Variants in GATA3 observed in about 807,000 individuals in gnomAD.
GATA3 encodes trans-acting T-cell-specific transcription factor GATA-3.
GATA3 carries 6 observed loss-of-function variants against 36.0 expected under a neutral mutation model. That is an observed-to-expected ratio of 0.17 (90% CI 0.09 to 0.33). The LOEUF is 0.33. GATA3 is among the 10% of genes least tolerant of loss of function. The pLI is 1.00. For synonymous variants in GATA3, 326 were observed against 273.0 expected, an observed-to-expected ratio of 1.19 and a Z score of -1.92; for missense variants, 514 against 610.1, an observed-to-expected ratio of 0.84 and a Z score of 1.66.
intron 5 of GATA3, among the ~76,000 whole-genome samples, chr10:8,072,640 AGTAGG>A (rs1457434208): frequency 6.6e-6 from 1 of 152,160 alleles, no homozygotes; most frequent in East Asian, 1.9e-4. Context: ...TGATCTTGAG[AGTAGG>A]GTCTGGTCTC....
upstream of GATA3, chr10:8,053,286 C>A (rs1173974700): frequency 6.6e-6 from 1 of 152,164 alleles, no homozygotes; most frequent in Non-Finnish European, 1.5e-5. The surrounding 1 kb of genome is among the most constrained non-coding windows in gnomAD (Gnocchi z 5.1). Flanking sequence ...CAAATAAAAC[C>A]CCAAATTAAG....
At chr10:8,066,446 CTTTCT>C (rs1369521687) in intron 4 of GATA3, among the ~76,000 whole-genome samples, 2 of 84,452 alleles carry the variant, frequency 2.4e-5, no homozygotes, top group African/African-American at 6.8e-5. Flanking sequence ...TTCTTTCTTT[CTTTCT>C]TTTTTTTTTT....
At position 8,055,998 on chromosome 10, in the gene GATA3, C is replaced by T; in HGVS notation, c.241+102C>T. 7.0e-7 allele frequency: 1 copy of T among 1,434,204 alleles called. No individual in the cohort carries two copies. Among genetic ancestry groups the T allele is most frequent in the South Asian group, 1.2e-5 (1 of 81,146 alleles). The allele number at this position is 1,434,204 out of a possible 1,614,324, so 88.8% of individuals were successfully genotyped here. On this transcript the variant is annotated intron_variant, in intron 2 of 5. Transcript: ENST00000379328. The surrounding 1 kb of genome is among the most constrained non-coding windows in gnomAD (Gnocchi z 5.4). ...AGGGCGGGGAGAGGTCAAGCGAAAGCCCCCATCTGCCGTTCCTGGTTCATT... is the reference window on the plus strand; with the variant it reads ...AGGGCGGGGAGAGGTCAAGCGAAAGTCCCCATCTGCCGTTCCTGGTTCATT...
intron 4 of GATA3, among the ~76,000 whole-genome samples, chr10:8,067,423 G>A (rs1832859617): frequency 6.6e-6 from 1 of 152,164 alleles, no homozygotes; most frequent in East Asian, 1.9e-4. Context: ...AAGAAAAAGG[G>A]TCACTCAGGT....
chr10:8,073,144 CAAAAAAAAAA>C (rs11335485), intron 5 of GATA3, among the ~76,000 whole-genome samples: 3 of 69,978 alleles, frequency 4.3e-5, no homozygotes, highest in African/African-American at 5.9e-5. Flanking sequence ...GACTTCGTCT[CAAAAAAAAAA>C]AAAAAAAAAA....
intron 4 of GATA3, among the ~76,000 whole-genome samples, chr10:8,064,748 T>C (rs1420553484): frequency 2.0e-5 from 3 of 152,222 alleles, no homozygotes; most frequent in Non-Finnish European, 2.9e-5. Context: ...ATTTGAGAAC[T>C]TTCCACAGGC....
At chr10:8,049,321 T>G (rs1832432634), upstream of GATA3, among the ~76,000 whole-genome samples, 1 of 152,204 alleles carries the variant, frequency 6.6e-6, no homozygotes, top group Admixed American at 6.5e-5. Context: ...CCTCTTTCTC[T>G]GCTTTCCCCC....
At chr10:8,063,458 T>C (rs1051920173) in intron 3 of GATA3, among the ~76,000 whole-genome samples, 1 of 152,234 alleles carries the variant, frequency 6.6e-6, no homozygotes, top group Non-Finnish European at 1.5e-5. Flanking sequence ...GATCAATCTA[T>C]GCATCTATTT....
rs1832990893 is a variant in GATA3, at chr10:8,074,903, T to C, written c.*880T>C. On this transcript the variant is annotated 3_prime_UTR_variant, in exon 6 of 6. Transcript: ENST00000379328. ...ACATTCAGTTGGCCTAAGGTGGTTG[T>C]GCTCGGAGGGTTTCTTGTTTCTTTT... 8.6e-6 allele frequency: 2 copies of C among 233,794 alleles called. No individual in the cohort carries two copies. The highest frequency in any genetic ancestry group is 1.7e-5 in the Non-Finnish European group (2 of 118,078). 14.5% of individuals were successfully genotyped at this position (233,794 alleles called of 1,614,324 possible).
intron 3 of GATA3, among the ~76,000 whole-genome samples, chr10:8,061,091 T>TCTC (rs1475519556): frequency 9.5e-5 from 9 of 95,008 alleles, no homozygotes; most frequent in African/African-American, 3.0e-4. Context: ...CTCTCTCTCT[T>TCTC]TTTTACCCCT....
chr10:8,051,978 C>A (rs1268849896), upstream of GATA3, among the ~76,000 whole-genome samples: 1 of 152,192 alleles, frequency 6.6e-6, no homozygotes, highest in African/African-American at 2.4e-5. Flanking sequence ...CCATCCTTTT[C>A]CCTTCCCCGC....
chr10:8,066,354 T>C (rs1832841935), intron 4 of GATA3, among the ~76,000 whole-genome samples: 1 of 152,146 alleles, frequency 6.6e-6, no homozygotes, highest in Admixed American at 6.5e-5. Flanking sequence ...CATCTGTCTT[T>C]GGTGGTTTGA....
Position 8,074,209 on chromosome 10 carries a change from A to C in GATA3, c.*186A>C. 1 of 643,234 alleles carries C rather than the reference A, an allele frequency of 1.6e-6. No homozygotes were observed. Among genetic ancestry groups the C allele is most frequent in the South Asian group, 2.0e-5 (1 of 50,154 alleles). 39.8% of individuals were successfully genotyped at this position (643,234 alleles called of 1,614,324 possible). On this transcript the variant is annotated 3_prime_UTR_variant, in exon 6 of 6. Coordinates refer to ENST00000379328, the MANE Select transcript of GATA3 (RefSeq NM_001002295.2). Reference sequence around the variant, plus strand: ...GTGGTGTCTGTGTTCCAACCACTGAATCTGGACCCCATCTGTGAATAAGCC... The same window carrying C: ...GTGGTGTCTGTGTTCCAACCACTGACTCTGGACCCCATCTGTGAATAAGCC...
At chr10:8,057,995 A>C (rs973707192) in intron 2 of GATA3, among the ~76,000 whole-genome samples, 1 of 152,138 alleles carries the variant, frequency 6.6e-6, no homozygotes, top group African/African-American at 2.4e-5. Flanking sequence ...GGAGAGGCCA[A>C]ATAAGCAAAG....
At chr10:8,062,307 G>C (rs1274751451) in intron 3 of GATA3, among the ~76,000 whole-genome samples, 2 of 150,192 alleles carry the variant, frequency 1.3e-5, no homozygotes, top group South Asian at 2.1e-4. Flanking sequence ...GGGGACCCTA[G>C]GCTAAGAATC....
At chr10:8,056,003 A>G in intron 2 of GATA3, 107 bp downstream of exon 2, 18 of 1,418,490 alleles carry the variant, frequency 1.3e-5, no homozygotes, top group South Asian at 1.2e-4. Flanking sequence ...GAAAGCCCCC[A>G]TCTGCCGTTC....
At chr10:8,047,149 A>G (rs1832401606) in intron 1 of GATA3, among the ~76,000 whole-genome samples, 1 of 152,180 alleles carries the variant, frequency 6.6e-6, no homozygotes, top group Non-Finnish European at 1.5e-5. Flanking sequence ...GGAAGCCCTG[A>G]GCATTGTTTG....
At chr10:8,045,739 C>T (rs994781080) in intron 1 of GATA3, among the ~76,000 whole-genome samples, 2 of 152,044 alleles carry the variant, frequency 1.3e-5, no homozygotes, top group African/African-American at 2.4e-5. Flanking sequence ...TCCTCGTTTG[C>T]AGGAAAGAGC....
intron 2 of GATA3, among the ~76,000 whole-genome samples, chr10:8,056,256 C>G (rs954306470): frequency 3.9e-5 from 6 of 152,060 alleles, no homozygotes; most frequent in Non-Finnish European, 7.4e-5. Flanking sequence ...TCCGCGGGTC[C>G]GGGCTCTCTG....
Sources: gnomAD v4.1 joint callset for allele counts (sites outside exome capture counted in the v4.1 genomes callset) on GRCh38, gnomAD v4.1.1 for gene constraint, Gnocchi (gnomAD v3.1) non-coding constraint, MANE v1.5 for transcripts, NCBI Gene and HGNC (gene_info 2026-07-23, HGNC 2026-07-21) for gene names.